Variants in PCDHA8 observed in about 807,000 individuals in gnomAD.
The protein encoded by PCDHA8 is protocadherin alpha-8.
In PCDHA8, 53 loss-of-function variants were observed where a neutral mutation model predicts 61.8. The observed-to-expected ratio is 0.86, with a 90% CI of 0.69 to 1.08. The LOEUF is 1.08. PCDHA8 is among the 50% of genes least tolerant of loss of function. The probability of loss-of-function intolerance (pLI) is 0.00; values close to 1 mark genes in which losing one functional copy is unlikely to be tolerated. For synonymous variants in PCDHA8, 618 were observed against 556.6 expected (o/e 1.11, Z -1.55); for missense variants, 1,293 against 1,245.0 (o/e 1.04, Z -0.58).
At position 140,979,408 on chromosome 5, in the gene PCDHA8, G is replaced by GT. The variant is rs558051720; in HGVS notation, c.2453+411dup. Among the ~76,000 whole-genome samples the GT allele has an allele frequency of 3.0e-3, 447 of 147,714 alleles. 2 individuals carry two copies. Among genetic ancestry groups the GT allele is most frequent in the East Asian group, 0.02 (102 of 5,050 alleles). On this transcript the variant is annotated intron_variant, in intron 2 of 3. Coordinates refer to ENST00000531613, the MANE Select transcript of PCDHA8 (RefSeq NM_018911.3). ...TGTATACATACATGTTGTCTACCTT[G>GT]TTTTTTTTTTAATCTCACATTGGCT...
In PCDHA8 at chr5:141,007,955, C is replaced by T. The variant is rs192197811; in HGVS notation, c.2543-1672C>T. ...CTAAGCCACCTTTTTGAGAACTGCT[C>T]ATTCTCTGGGTGTCTGTCATGTATA... On this transcript the variant is annotated intron_variant, in intron 3 of 3. Transcript: ENST00000531613. 2.6e-5 allele frequency among the ~76,000 whole-genome samples: 4 copies of T among 152,294 alleles called. No homozygotes were observed. In the East Asian group the frequency reaches 7.7e-4, roughly 29 times the overall value.
chr5:140,850,192 T>C lies in PCDHA8; in HGVS notation c.2394+6477T>C. 1.3e-6 allele frequency: 2 copies of C among 1,593,512 alleles called. 1 individual carries two copies. The highest frequency in any genetic ancestry group is 1.7e-6 in the Non-Finnish European group (2 of 1,167,634). On this transcript the variant is annotated intron_variant, in intron 1 of 3. Transcript: ENST00000531613. ...GAGAACGACAATGCGCCGGCGCTGC[T>C]GACACCTCGGATGAGGGGCACTGAC...
chr5:140,908,848 C>T (rs949816953), intron 1 of PCDHA8, among the ~76,000 whole-genome samples: 4 of 152,126 alleles, frequency 2.6e-5, no homozygotes, highest in East Asian at 3.9e-4. Context: ...GAGTAACATA[C>T]CCAAATGAGG....
chr5:140,898,999 A>G (rs2067088188), intron 1 of PCDHA8, among the ~76,000 whole-genome samples: 2 of 151,690 alleles, frequency 1.3e-5, no homozygotes, highest in African/African-American at 4.8e-5. Context: ...TTTGTCTGTT[A>G]TTGGTGTATA....
chr5:140,877,668 C>A (rs782433528), intron 1 of PCDHA8: 58 of 1,613,452 alleles, frequency 3.6e-5, no homozygotes, highest in Admixed American at 5.0e-5. Flanking sequence ...TGAGCCGGTG[C>A]GCGCCGGGCA....
chr5:140,882,335 GCCTGGGAGACGGGTAGTGGCCAGCT>G (rs1554173599), intron 1 of PCDHA8: 11 of 1,614,078 alleles, frequency 6.8e-6, no homozygotes, highest in Non-Finnish European at 9.3e-6. Flanking sequence ...GATCCTCGCA[GCCTGGGAGACGGGTAGTGGCCAGCT>G]CCACTACTCC....
chr5:140,862,475 C>T (rs1252932396), intron 1 of PCDHA8: 2 of 377,970 alleles, frequency 5.3e-6, no homozygotes, highest in African/African-American at 4.2e-5. Flanking sequence ...GCAAATCTAT[C>T]CATTGTTGGT....
At chr5:140,884,432 C>T (rs782413139) in intron 1 of PCDHA8, 2 of 1,613,880 alleles carry the variant, frequency 1.2e-6, no homozygotes, top group East Asian at 4.5e-5. Flanking sequence ...TACTGCGCTG[C>T]GGTGCTCGGC....
intron 1 of PCDHA8, among the ~76,000 whole-genome samples, chr5:140,941,126 G>T (rs1194807243): frequency 6.6e-6 from 1 of 151,906 alleles, no homozygotes; most frequent in Non-Finnish European, 1.5e-5. Flanking sequence ...GTCCTTTGAA[G>T]TTCCAGCTTA....
chr5:140,877,044 C>G (rs2056811009), intron 1 of PCDHA8: 2 of 1,612,634 alleles, frequency 1.2e-6, no homozygotes, highest in Non-Finnish European at 1.7e-6. Context: ...AGCCGCTAGA[C>G]CACGAGGAGC....
chr5:140,890,995 A>C (rs1554184607), intron 1 of PCDHA8, among the ~76,000 whole-genome samples: 2 of 152,138 alleles, frequency 1.3e-5, no homozygotes, highest in Non-Finnish European at 1.5e-5. Context: ...ATTTCATCAT[A>C]ATTATTGAAA....
intron 1 of PCDHA8, chr5:140,967,023 G>C: frequency 6.2e-7 from 1 of 1,608,162 alleles, no homozygotes; most frequent in Non-Finnish European, 8.5e-7. Context: ...GGTGCGCCCA[G>C]TCCGCGCTAC....
rs2150360169 is a variant in PCDHA8 at position 140,843,445 on chromosome 5, C to T, written c.2124C>T (p.Ser708=). The T allele has an allele frequency of 2.5e-6, 4 of 1,596,040 alleles. 1 individual carries two copies. The highest frequency in any genetic ancestry group is 1.7e-6 in the Non-Finnish European group (2 of 1,165,674). Reference sequence around the variant, plus strand: ...TGATCATCGCCATCTGCGCGGTATCCAGCCTGCTGGTGCTCACGCTGCTGC... The same window carrying T: ...TGATCATCGCCATCTGCGCGGTATCTAGCCTGCTGGTGCTCACGCTGCTGC... ...VYLIIAICAV[S]SLLVLTLLLY... The change falls in exon 1 of 4, where the codon TCC becomes TCT. Residue 708 remains serine, a synonymous_variant. Coordinates refer to ENST00000531613, the MANE Select transcript of PCDHA8 (RefSeq NM_018911.3).
Position 140,842,100 on chromosome 5 carries a change from C to G in PCDHA8, c.779C>G (p.Thr260Arg). The change falls in exon 1 of 4, where the codon ACA becomes AGA. Residue 260 changes from threonine to arginine, a missense_variant. Coordinates refer to ENST00000531613, the MANE Select transcript of PCDHA8 (RefSeq NM_018911.3). ...RIFENADNGT[T>R]VIKLNASDPD... The stretch of plus-strand genomic sequence containing the variant: ...TTCGAAAACGCAGACAACGGAACAA[C>G]AGTTATCAAACTGAATGCTTCTGAT... 1.2e-6 allele frequency: 2 copies of G among 1,613,850 alleles called. No homozygotes were observed. Among genetic ancestry groups the G allele is most frequent in the Non-Finnish European group, 1.7e-6 (2 of 1,179,844 alleles).
intron 2 of PCDHA8, 91 bp downstream of exon 2, chr5:140,979,098 A>C: frequency 1.3e-6 from 2 of 1,547,480 alleles, no homozygotes; most frequent in East Asian, 2.3e-5. Flanking sequence ...AGCAGCTGTC[A>C]AAACTAAAAA....
chr5:140,855,491 A>AAG, intron 1 of PCDHA8, among the ~76,000 whole-genome samples: 1 of 149,140 alleles, frequency 6.7e-6, no homozygotes, highest in South Asian at 2.1e-4. Context: ...TTAGTGTCTA[A>AAG]ATAAACCTTA....
intron 1 of PCDHA8, among the ~76,000 whole-genome samples, chr5:140,951,313 T>C (rs1554219855): frequency 1.3e-5 from 2 of 152,194 alleles, no homozygotes; most frequent in Non-Finnish European, 2.9e-5. Flanking sequence ...TAATGTGTTA[T>C]TCTTGAGATT....
At position 140,857,729 on chromosome 5, in the gene PCDHA8, G is replaced by A. The variant is rs782508750; in HGVS notation, c.2394+14014G>A. 1.8e-5 allele frequency: 29 copies of A among 1,597,292 alleles called. 3 individuals are homozygous for A. The highest frequency in any genetic ancestry group is 1.3e-5 in the African/African-American group (1 of 74,288). ...GTTCGTGCTGGACGAGAACGACAACGCTCCCGCGCTGCTGGCGTCTCCCGC... is the reference window on the plus strand; with the variant it reads ...GTTCGTGCTGGACGAGAACGACAACACTCCCGCGCTGCTGGCGTCTCCCGC... On this transcript the variant is annotated intron_variant, in intron 1 of 3. Transcript: ENST00000531613.
intron 3 of PCDHA8, among the ~76,000 whole-genome samples, chr5:140,996,915 A>G (rs1167259941): frequency 6.6e-6 from 1 of 152,244 alleles, no homozygotes; most frequent in Non-Finnish European, 1.5e-5. Flanking sequence ...TGAAGTAAAT[A>G]TTAAAAAATA....
Sources: allele counts gnomAD v4.1 joint callset (sites outside exome capture counted in the v4.1 genomes callset), GRCh38; gene constraint gnomAD v4.1.1; transcripts MANE v1.5; gene names NCBI Gene and HGNC (gene_info 2026-07-23, HGNC 2026-07-21).